The following ESRRG variants were observed in gnomAD, a reference collection of about 807,000 sequenced individuals.
ESRRG encodes the protein estrogen related receptor gamma.
Under a neutral mutation model 44.0 loss-of-function variants are expected in ESRRG, and 13 were observed. That is an observed-to-expected ratio of 0.30 (90% confidence interval 0.19 to 0.47). ESRRG has a LOEUF of 0.47. Ranked by LOEUF, ESRRG falls within the 20% of genes least tolerant of loss-of-function variation. The pLI is 1.00. For synonymous variants in ESRRG, 215 were observed against 214.6 expected, an observed-to-expected ratio of 1.00 and a Z score of -0.02; for missense variants, 395 against 580.6, an observed-to-expected ratio of 0.68 and a Z score of 3.29.
At chr1:216,582,598 G>T (rs2063008133) in intron 3 of ESRRG, among the ~76,000 whole-genome samples, 1 of 152,076 alleles carries the variant, frequency 6.6e-6, no homozygotes, top group Admixed American at 6.6e-5. Context: ...GTGCCACTAT[G>T]CCTGGCTAAT....
intron 2 of ESRRG, chr1:216,865,211 A>G (rs1471185012): frequency 1.4e-5 from 2 of 137,938 alleles, no homozygotes; most frequent in Non-Finnish European, 3.3e-5. Context: ...AAAAAAAAAA[A>G]AAAAAAATTA....
intron 1 of ESRRG, among the ~76,000 whole-genome samples, chr1:217,136,971 G>T (rs912418180): frequency 2.6e-5 from 4 of 152,204 alleles, no homozygotes; most frequent in African/African-American, 4.8e-5. Context: ...ATGCAGGGAC[G>T]TTGCTCTGCT....
chr1:217,070,825 A>C (rs1280541426), intron 1 of ESRRG, among the ~76,000 whole-genome samples: 1 of 152,244 alleles, frequency 6.6e-6, no homozygotes, highest in Non-Finnish European at 1.5e-5. Context: ...ATAGAGTAGA[A>C]GAGTTCACTT....
At chr1:216,594,020 A>G (rs2058082989) in intron 3 of ESRRG, among the ~76,000 whole-genome samples, 1 of 152,160 alleles carries the variant, frequency 6.6e-6, no homozygotes, top group Non-Finnish European at 1.5e-5. Context: ...GGCATGAGTG[A>G]ATTTTAATAG....
At chr1:217,044,269 C>T (rs547275655) in intron 1 of ESRRG, among the ~76,000 whole-genome samples, 3 of 152,102 alleles carry the variant, frequency 2.0e-5, no homozygotes, top group African/African-American at 7.2e-5. Flanking sequence ...TGTGACTAGC[C>T]ACTGCACATT....
At chr1:217,127,956 A>G (rs529637991) in intron 1 of ESRRG, among the ~76,000 whole-genome samples, 19 of 152,314 alleles carry the variant, frequency 1.2e-4, no homozygotes, top group African/African-American at 4.3e-4. Flanking sequence ...GTTATTCTGC[A>G]GATAAGGAAA....
At position 216,552,007 on chromosome 1, in the gene ESRRG, T is replaced by G. The variant is rs11117616; in HGVS notation, c.862+12212A>C. Among the ~76,000 whole-genome samples, 1,286 of 152,228 alleles carry G rather than the reference T, an allele frequency of 8.4e-3. 18 individuals carry two copies. The highest frequency in any genetic ancestry group is 0.03 in the African/African-American group (1,243 of 41,548). On this transcript the variant is annotated intron_variant, in intron 5 of 6. Coordinates refer to ENST00000408911, the MANE Select transcript of ESRRG (RefSeq NM_001438.4). Reference sequence around the variant, plus strand: ...AAATAGAAAGATTCTGAACCATATCTATAAATTAATAGTCCTTCAGAAACA... The same window carrying G: ...AAATAGAAAGATTCTGAACCATATCGATAAATTAATAGTCCTTCAGAAACA...
chr1:216,764,302 T>C (rs575349569), intron 2 of ESRRG, among the ~76,000 whole-genome samples: 1 of 151,780 alleles, frequency 6.6e-6, no homozygotes, highest in Admixed American at 6.6e-5. Context: ...CAGGGTCTTG[T>C]TTTGTCCCCC....
In ESRRG at chr1:216,865,170, T is replaced by A. The variant is rs975771334; in HGVS notation, c.-14+74412A>T. The A allele has an allele frequency of 4.4e-5, 5 of 114,816 alleles. No homozygotes were observed. The South Asian group carries it at 1.5e-3, about 33-fold the overall frequency. The allele number at this position is 114,816 out of a possible 1,614,324, so 7.1% of individuals were successfully genotyped here. ...AAGAAGGTTTCCAATAGACTTCAAC[T>A]TTTTAAAGCTGTGCAGCAAAAAAAA... On this transcript the variant is annotated intron_variant, in intron 2 of 7. Transcript: ENST00000359162.
chr1:216,932,897 C>A (rs1028260754), intron 2 of ESRRG, among the ~76,000 whole-genome samples: 1 of 151,856 alleles, frequency 6.6e-6, no homozygotes, highest in African/African-American at 2.4e-5. Flanking sequence ...GATCCACAGA[C>A]AATTTCTTAT....
chr1:216,560,176 T>G (rs2149490924), intron 5 of ESRRG, among the ~76,000 whole-genome samples: 1 of 152,314 alleles, frequency 6.6e-6, no homozygotes, highest in South Asian at 2.1e-4. Context: ...TTTTAGAGTT[T>G]AATAACTCCT....
chr1:216,571,082 GT>G (rs2060697090), intron 3 of ESRRG, among the ~76,000 whole-genome samples: 1 of 152,150 alleles, frequency 6.6e-6, no homozygotes, highest in African/African-American at 2.4e-5. Context: ...CCATCAAGTA[GT>G]TTAGCCAACT....
chr1:216,903,083 T>C (rs574645976), intron 2 of ESRRG, among the ~76,000 whole-genome samples: 1 of 152,312 alleles, frequency 6.6e-6, no homozygotes, highest in South Asian at 2.1e-4. Flanking sequence ...GTTTTCATGT[T>C]TGTGTGTATG....
chr1:216,518,695 T>C lies in ESRRG; in HGVS notation c.1132+457A>G, dbSNP rs192077636. 8.6e-4 allele frequency among the ~76,000 whole-genome samples: 131 copies of C among 152,348 alleles called. 1 individual carries two copies. The highest frequency in any genetic ancestry group is 1.8e-3 in the Admixed American group (27 of 15,296). On this transcript the variant is annotated intron_variant, in intron 6 of 6. Coordinates refer to ENST00000408911, the MANE Select transcript of ESRRG (RefSeq NM_001438.4). ...ATTTGACTTCTAAAGAACTCCAGAA[T>C]GTAAGAAAACTGTTCTTTGATAACC... is the stretch of plus-strand genomic sequence containing the variant.
At chr1:216,763,255 C>A (rs2092896160) in intron 2 of ESRRG, among the ~76,000 whole-genome samples, 1 of 145,280 alleles carries the variant, frequency 6.9e-6, no homozygotes, top group Non-Finnish European at 1.5e-5. Flanking sequence ...ATTTTCAGGC[C>A]ATAACATGTT....
At chr1:216,725,656 A>G (rs1339357), upstream of ESRRG, among the ~76,000 whole-genome samples, 117,618 of 151,974 alleles carry the variant, frequency 0.77, 45,841 homozygotes, top group South Asian at 0.88. Flanking sequence ...TCTCAGGGTA[A>G]TTAATAGATT....
chr1:216,861,702 A>G (rs1045054245), intron 2 of ESRRG, among the ~76,000 whole-genome samples: 3 of 152,160 alleles, frequency 2.0e-5, no homozygotes, highest in African/African-American at 7.2e-5. Flanking sequence ...GATAGACTTC[A>G]TAAAAATTAA....
chr1:216,912,150 G>T (rs1405183335), intron 2 of ESRRG, among the ~76,000 whole-genome samples: 1 of 31,922 alleles, frequency 3.1e-5, no homozygotes, highest in African/African-American at 1.8e-4. Context: ...GAAAAGAAAA[G>T]AAAAGAAAAG....
In ESRRG at chr1:216,651,061, C is replaced by T. The variant is rs371233000; in HGVS notation, c.501G>A (p.Thr167=). The change falls in exon 3 of 7, where the codon ACG becomes ACA. Residue 167 remains threonine, a synonymous_variant. Coordinates refer to ENST00000408911, the MANE Select transcript of ESRRG (RefSeq NM_001438.4). Reference sequence around the variant, plus strand: ...TGCGCTTTGTGATTTCACATTCATTCGTGGCAGGGCAGCTGTATTCTATAT... The same window carrying T: ...TGCGCTTTGTGATTTCACATTCATTTGTGGCAGGGCAGCTGTATTCTATAT... ...QGNIEYSCPA[T]NECEITKRRR... 22 of 1,612,434 alleles carry T rather than the reference C, an allele frequency of 1.4e-5. No homozygotes were observed. The South Asian group carries it at 2.1e-4, about 15-fold the overall frequency.
Sources: allele counts gnomAD v4.1 joint callset (sites outside exome capture counted in the v4.1 genomes callset), GRCh38; gene constraint gnomAD v4.1.1; transcripts MANE v1.5; gene names NCBI Gene and HGNC (gene_info 2026-07-23, HGNC 2026-07-21).